Variants in CHSY3 observed in about 807,000 individuals in gnomAD.
CHSY3 encodes the protein N-acetylgalactosaminyl-proteoglycan 3-beta-glucuronosyltransferase 3.
Under a neutral mutation model 67.2 loss-of-function variants are expected in CHSY3, and 35 were observed. That is an observed-to-expected ratio of 0.52 (90% CI 0.40 to 0.69). The LOEUF is 0.69. Among genes scored for constraint, CHSY3 ranks in the 30% least tolerant of loss-of-function variants. CHSY3 has a pLI of 0.00. For synonymous variants in CHSY3, 474 were observed against 434.7 expected (o/e 1.09, Z -1.12); for missense variants, 1,069 against 1,138.5 (o/e 0.94, Z 0.88).
At chr5:130,170,972 T>G (rs1371824849) in intron 2 of CHSY3, among the ~76,000 whole-genome samples, 1 of 152,116 alleles carries the variant, frequency 6.6e-6, no homozygotes, top group Non-Finnish European at 1.5e-5. Context: ...TACAAGGAAA[T>G]GCAATCACTA....
At chr5:130,173,477 T>C (rs1769955440) in intron 2 of CHSY3, among the ~76,000 whole-genome samples, 1 of 152,188 alleles carries the variant, frequency 6.6e-6, no homozygotes, top group African/African-American at 2.4e-5. Flanking sequence ...TTGCAAGTAC[T>C]CTGTGTATGG....
chr5:129,957,656 C>T (rs2149605448), intron 2 of CHSY3, among the ~76,000 whole-genome samples: 1 of 152,130 alleles, frequency 6.6e-6, no homozygotes, highest in South Asian at 2.1e-4. Flanking sequence ...TTCTATTTTT[C>T]ACTGTGATAT....
intron 2 of CHSY3, among the ~76,000 whole-genome samples, chr5:129,949,304 T>TA (rs1408838016): frequency 6.6e-6 from 1 of 151,952 alleles, no homozygotes; most frequent in East Asian, 1.9e-4. Context: ...CAAAAAATCA[T>TA]AAGAAACTAT....
intron 2 of CHSY3, among the ~76,000 whole-genome samples, chr5:130,172,109 C>T (rs1223733166): frequency 6.6e-6 from 1 of 151,922 alleles, no homozygotes; most frequent in African/African-American, 2.4e-5. Context: ...AAATATCAGC[C>T]TGTGGTCAAA....
At chr5:130,059,039 A>G (rs1765625991) in intron 2 of CHSY3, among the ~76,000 whole-genome samples, 1 of 152,194 alleles carries the variant, frequency 6.6e-6, no homozygotes, top group South Asian at 2.1e-4. Context: ...TGGGTCAGAC[A>G]CTTGTCTAGA....
intron 2 of CHSY3, among the ~76,000 whole-genome samples, chr5:130,085,170 T>G (rs1191806175): frequency 6.6e-6 from 1 of 152,004 alleles, no homozygotes; most frequent in Non-Finnish European, 1.5e-5. Flanking sequence ...GGTTTTATTT[T>G]TGGTCTACAT....
chr5:129,987,933 C>G (rs1393897214), intron 2 of CHSY3, among the ~76,000 whole-genome samples: 1 of 152,024 alleles, frequency 6.6e-6, no homozygotes, highest in Non-Finnish European at 1.5e-5. Context: ...CTGCCTATTT[C>G]AAATCATTCT....
intron 2 of CHSY3, among the ~76,000 whole-genome samples, chr5:130,095,121 G>A (rs1767002793): frequency 6.6e-6 from 1 of 151,886 alleles, no homozygotes; most frequent in Non-Finnish European, 1.5e-5. Context: ...CACACATAGA[G>A]GAATAGAAAT....
intron 2 of CHSY3, among the ~76,000 whole-genome samples, chr5:130,099,661 A>G (rs1163225927): frequency 1.3e-5 from 2 of 152,300 alleles, no homozygotes; most frequent in East Asian, 3.9e-4. Flanking sequence ...TGGTGTGAGG[A>G]GCTATCTACT....
chr5:129,915,988 T>C (rs947122536), intron 2 of CHSY3, among the ~76,000 whole-genome samples: 1 of 152,172 alleles, frequency 6.6e-6, no homozygotes, highest in African/African-American at 2.4e-5. Context: ...GGATGTTCCT[T>C]AATAATTCTC....
intron 2 of CHSY3, among the ~76,000 whole-genome samples, chr5:130,017,900 A>G (rs1764259651): frequency 6.6e-6 from 1 of 152,176 alleles, no homozygotes; most frequent in South Asian, 2.1e-4. Context: ...AAAACCAACC[A>G]TAATCCTCTA....
intron 2 of CHSY3, among the ~76,000 whole-genome samples, chr5:129,977,377 G>A (rs1762843875): frequency 6.6e-6 from 1 of 152,154 alleles, no homozygotes; most frequent in African/African-American, 2.4e-5. Flanking sequence ...CAGATTACTT[G>A]GGACTATCTG....
intron 2 of CHSY3, among the ~76,000 whole-genome samples, chr5:130,178,248 TA>T (rs1452147029): frequency 0.012 from 980 of 79,394 alleles, 6 homozygotes; most frequent in African/African-American, 0.013. Flanking sequence ...TATATATATA[TA>T]TATATTTTTT....
intron 2 of CHSY3, among the ~76,000 whole-genome samples, chr5:130,148,534 T>A (rs1769140143): frequency 6.6e-6 from 1 of 152,152 alleles, no homozygotes; most frequent in African/African-American, 2.4e-5. Flanking sequence ...TGTTTCTTTT[T>A]CTCCTCAACC....
chr5:130,182,988 C>T (rs1770295720), intron 2 of CHSY3, among the ~76,000 whole-genome samples: 1 of 150,022 alleles, frequency 6.7e-6, no homozygotes, highest in South Asian at 2.1e-4. Flanking sequence ...AATTTATGTA[C>T]AATTTGTACC....
chr5:130,020,438 TATATATATATATATATATA>T (rs1561500263), intron 2 of CHSY3, among the ~76,000 whole-genome samples: 4 of 4,090 alleles, frequency 9.8e-4, no homozygotes, highest in Admixed American at 2.8e-3. Flanking sequence ...TATATATATA[TATATATATATATATATATA>T]TATATTTTTT....
At chr5:130,178,253 ATTT>A (rs10699248) in intron 2 of CHSY3, among the ~76,000 whole-genome samples, 26 of 45,906 alleles carry the variant, frequency 5.7e-4, no homozygotes, top group African/African-American at 1.8e-3. Flanking sequence ...ATATATATAT[ATTT>A]TTTTTTTTTT....
intron 2 of CHSY3, among the ~76,000 whole-genome samples, chr5:129,980,996 G>C (rs2149622232): frequency 6.6e-6 from 1 of 151,100 alleles, no homozygotes; most frequent in African/African-American, 2.4e-5. Flanking sequence ...TACGAGGTAA[G>C]GAGATCGAGA....
At chr5:130,049,608 C>T (rs539919085) in intron 2 of CHSY3, among the ~76,000 whole-genome samples, 6 of 152,162 alleles carry the variant, frequency 3.9e-5, no homozygotes, top group African/African-American at 1.4e-4. Context: ...GATAAGCTCA[C>T]TTAACTGGCA....
Sources: gnomAD v4.1 joint callset for allele counts (sites outside exome capture counted in the v4.1 genomes callset) on GRCh38, gnomAD v4.1.1 for gene constraint, MANE v1.5 for transcripts, NCBI Gene and HGNC (gene_info 2026-07-23, HGNC 2026-07-21) for gene names.